ZNF804B: variants seen among roughly 807,000 people sequenced by gnomAD.
The protein encoded by ZNF804B is zinc finger protein 804B, also known as zinc finger 804B.
In ZNF804B, 80 loss-of-function variants were observed where a neutral mutation model predicts 101.4. The ratio of observed to expected loss-of-function variants is 0.79; its 90% confidence interval spans 0.66 to 0.95. The LOEUF is 0.95. Ranked by LOEUF, ZNF804B falls within the 40% of genes least tolerant of loss-of-function variation. The pLI, the probability that ZNF804B is intolerant of heterozygous loss-of-function variation, is 0.00. For synonymous variants in ZNF804B, 622 were observed against 558.8 expected (o/e 1.11, Z -1.59); for missense variants, 1,673 against 1,561.9 (o/e 1.07, Z -1.20).
intron 1 of ZNF804B, among the ~76,000 whole-genome samples, chr7:88,765,411 A>G (rs758729824): frequency 9.2e-5 from 14 of 152,262 alleles, no homozygotes; most frequent in East Asian, 1.9e-4. Flanking sequence ...TTTTTGCTGT[A>G]TAAAGTGTAT....
At chr7:89,170,627 AT>A (rs1791208939) in intron 1 of ZNF804B, among the ~76,000 whole-genome samples, 1 of 151,960 alleles carries the variant, frequency 6.6e-6, no homozygotes, top group Admixed American at 6.6e-5. Flanking sequence ...CTGAGGCTGA[AT>A]TTTTTCTTGT....
intron 1 of ZNF804B, among the ~76,000 whole-genome samples, chr7:88,804,642 T>C (rs1790657243): frequency 6.6e-6 from 1 of 152,180 alleles, no homozygotes; most frequent in South Asian, 2.1e-4. Flanking sequence ...AATAGCAAAG[T>C]TGCTTTACAC....
intron 1 of ZNF804B, among the ~76,000 whole-genome samples, chr7:89,186,223 A>G (rs1788374210): frequency 6.6e-6 from 1 of 152,122 alleles, no homozygotes; most frequent in East Asian, 1.9e-4. Context: ...AATTATCCCT[A>G]ACACAAATGA....
chr7:89,032,269 C>A (rs1029897164), intron 1 of ZNF804B, among the ~76,000 whole-genome samples: 3 of 150,692 alleles, frequency 2.0e-5, no homozygotes, highest in African/African-American at 7.3e-5. Context: ...AAATGTATGC[C>A]CCGAAAACTC....
intron 1 of ZNF804B, among the ~76,000 whole-genome samples, chr7:88,964,724 G>A (rs1267130943): frequency 6.6e-6 from 1 of 151,422 alleles, no homozygotes; most frequent in African/African-American, 2.4e-5. Flanking sequence ...GAAAACTCAT[G>A]TGAAACAACA....
At chr7:89,029,827 G>A (rs1018984502) in intron 1 of ZNF804B, among the ~76,000 whole-genome samples, 6 of 151,974 alleles carry the variant, frequency 3.9e-5, no homozygotes, top group Admixed American at 6.6e-5. Context: ...GCTGGAATGG[G>A]GGCTGCTGCT....
At chr7:88,915,162 A>G (rs1321786537) in intron 1 of ZNF804B, among the ~76,000 whole-genome samples, 2 of 152,108 alleles carry the variant, frequency 1.3e-5, no homozygotes, top group African/African-American at 4.8e-5. Context: ...CTTATCTTTA[A>G]TGAGAGTTTC....
At chr7:89,330,610 A>T (rs1413588690) in intron 3 of ZNF804B, among the ~76,000 whole-genome samples, 2 of 151,614 alleles carry the variant, frequency 1.3e-5, no homozygotes, top group Non-Finnish European at 1.5e-5. Context: ...AAATAATAAG[A>T]ATAACTTTGA....
At chr7:88,942,526 G>A (rs76675067) in intron 1 of ZNF804B, among the ~76,000 whole-genome samples, 8 of 148,914 alleles carry the variant, frequency 5.4e-5, no homozygotes, top group East Asian at 4.0e-4. Flanking sequence ...GTGTGTGTGT[G>A]TGTGTTTTGC....
At chr7:89,075,161 A>C (rs1282187561) in intron 1 of ZNF804B, among the ~76,000 whole-genome samples, 3 of 152,178 alleles carry the variant, frequency 2.0e-5, no homozygotes, top group African/African-American at 7.2e-5. Context: ...TCTAAGGACA[A>C]ATTCAAGCTG....
chr7:89,012,817 C>T lies in ZNF804B; in HGVS notation c.109-205338C>T, dbSNP rs149457480. Among the ~76,000 whole-genome samples, 885 of 152,298 alleles carry T rather than the reference C, an allele frequency of 5.8e-3. 10 individuals carry two copies. The highest frequency in any genetic ancestry group is 0.019 in the African/African-American group (796 of 41,572). On this transcript the variant is annotated intron_variant, in intron 1 of 3. Transcript: ENST00000333190. ...TATTTTTACAGCCAACGCCCCACTA[C>T]TCCCAGTACCAATTTTCTGTATTAA... is the stretch of plus-strand genomic sequence containing the variant.
At chr7:88,833,641 A>G (rs1200235444) in intron 1 of ZNF804B, among the ~76,000 whole-genome samples, 2 of 151,958 alleles carry the variant, frequency 1.3e-5, no homozygotes, top group Non-Finnish European at 2.9e-5. Flanking sequence ...ATCAGTTGCC[A>G]TCATATTTGA....
At chr7:88,861,473 A>G (rs1203853390) in intron 1 of ZNF804B, among the ~76,000 whole-genome samples, 2 of 152,186 alleles carry the variant, frequency 1.3e-5, no homozygotes, top group Non-Finnish European at 2.9e-5. Context: ...TTAATATCTA[A>G]CTGATAAAAT....
intron 2 of ZNF804B, among the ~76,000 whole-genome samples, chr7:89,254,374 G>A (rs7811227): frequency 0.17 from 25,624 of 151,414 alleles, 2,789 homozygotes; most frequent in African/African-American, 0.3. Flanking sequence ...AATATGAAAT[G>A]CCTAATAATT....
chr7:89,276,547 A>G (rs185367183), intron 2 of ZNF804B, among the ~76,000 whole-genome samples: 65 of 152,056 alleles, frequency 4.3e-4, no homozygotes, highest in Non-Finnish European at 7.9e-4. Flanking sequence ...GAGATAAATT[A>G]TGAGATAAAT....
At chr7:88,953,840 A>T (rs1051721097) in intron 1 of ZNF804B, among the ~76,000 whole-genome samples, 1 of 151,760 alleles carries the variant, frequency 6.6e-6, no homozygotes, top group Non-Finnish European at 1.5e-5. Flanking sequence ...ACTACACATA[A>T]TTTTTATTGA....
chr7:88,780,569 T>C (rs1790210289), intron 1 of ZNF804B, among the ~76,000 whole-genome samples: 1 of 151,764 alleles, frequency 6.6e-6, no homozygotes, highest in Admixed American at 6.6e-5. Flanking sequence ...TGATTTTTTG[T>C]AGAGAAAGGG....
In ZNF804B at chr7:89,205,976, G is replaced by A. The variant is rs192699348; in HGVS notation, c.109-12179G>A. 9.1e-4 allele frequency among the ~76,000 whole-genome samples: 138 copies of A among 152,276 alleles called. 1 individual carries two copies. The Middle Eastern group carries it at 0.02, about 23-fold the overall frequency. On this transcript the variant is annotated intron_variant, in intron 1 of 3. Transcript: ENST00000333190. ...TCCATACATCCTCTGAAATCTAGGC[G>A]GAGGTTCCCAAATCTCAATTCTTGA...
At chr7:88,817,047 C>A (rs538038277) in intron 1 of ZNF804B, among the ~76,000 whole-genome samples, 1 of 152,074 alleles carries the variant, frequency 6.6e-6, no homozygotes, top group East Asian at 1.9e-4. Context: ...GAATACTATG[C>A]AGCCATAAAA....
Sources: gnomAD v4.1 joint callset for allele counts (sites outside exome capture counted in the v4.1 genomes callset) on GRCh38, gnomAD v4.1.1 for gene constraint, MANE v1.5 for transcripts, NCBI Gene and HGNC (gene_info 2026-07-23, HGNC 2026-07-21) for gene names.